FAS: variants seen among roughly 807,000 people sequenced by gnomAD.
FAS encodes tumor necrosis factor receptor superfamily member 6.
FAS carries 5 observed loss-of-function variants against 33.2 expected under a neutral mutation model. The observed-to-expected ratio is 0.15, with a 90% CI of 0.08 to 0.32. FAS has a LOEUF of 0.32. Among genes scored for constraint, FAS ranks in the 10% least tolerant of loss-of-function variants. The pLI, the probability that FAS is intolerant of heterozygous loss-of-function variation, is 1.00. For synonymous variants in FAS, 131 were observed against 130.7 expected (o/e 1.00, Z -0.01); for missense variants, 339 against 386.0 (o/e 0.88, Z 1.02).
intron 2 of FAS, among the ~76,000 whole-genome samples, chr10:88,977,423 C>G (rs2133338084): frequency 6.6e-6 from 1 of 151,894 alleles, no homozygotes; most frequent in Non-Finnish European, 1.5e-5. Context: ...AATAGGGAAT[C>G]CTTTCCCCAT....
At chr10:88,980,285 G>A (rs1163103016) in intron 2 of FAS, among the ~76,000 whole-genome samples, 2 of 152,114 alleles carry the variant, frequency 1.3e-5, no homozygotes, top group Non-Finnish European at 2.9e-5. Context: ...TCTGGGAAGA[G>A]GTGATGGTTG....
intron 1 of FAS, among the ~76,000 whole-genome samples, chr10:88,965,553 G>A (rs1005836147): frequency 6.6e-6 from 1 of 152,114 alleles, no homozygotes; most frequent in Non-Finnish European, 1.5e-5. Flanking sequence ...CTTGCCTTAG[G>A]AGGTCAAACA....
intron 1 of FAS, among the ~76,000 whole-genome samples, chr10:88,971,264 T>A (rs894028265): frequency 6.6e-6 from 1 of 152,212 alleles, no homozygotes; most frequent in Non-Finnish European, 1.5e-5. Context: ...AAGTAACAGA[T>A]GATGTATCTG....
chr10:89,011,775 T>G (rs1804286968), intron 6 of FAS, among the ~76,000 whole-genome samples: 1 of 152,228 alleles, frequency 6.6e-6, no homozygotes, highest in South Asian at 2.1e-4. Context: ...TAGGCCAGCC[T>G]GTGGTAATTA....
In FAS at chr10:89,011,914, A is replaced by T. The variant is rs1848547254; in HGVS notation, c.569-85A>T. The T allele has an allele frequency of 5.0e-6, 6 of 1,211,846 alleles. No homozygotes were observed. In the Admixed American group the frequency reaches 5.6e-5, roughly 11 times the overall value. 75.1% of individuals were successfully genotyped at this position (1,211,846 alleles called of 1,614,324 possible). A position where few individuals can be genotyped will look rare whatever the true frequency, so the allele number is the denominator to read the frequency against. On this transcript the variant is annotated intron_variant, in intron 6 of 8. Transcript: ENST00000652046. The stretch of plus-strand genomic sequence containing the variant: ...ACTGAATTTCTCCTTTTTCCTTCTT[A>T]TATTTCTCTTAGTGTGAAAGTATGT...
upstream of FAS, among the ~76,000 whole-genome samples, chr10:88,988,088 C>T (rs980357641): frequency 6.6e-6 from 1 of 152,184 alleles, no homozygotes; most frequent in Non-Finnish European, 1.5e-5. Flanking sequence ...CCTCTACAAT[C>T]ACGTGAGCCA....
chr10:89,000,477 G>A (rs1281954341), intron 1 of FAS, among the ~76,000 whole-genome samples: 3 of 152,146 alleles, frequency 2.0e-5, no homozygotes, highest in Admixed American at 6.5e-5. Context: ...ATCAAGAAAA[G>A]ATGAGTTTAG....
intron 2 of FAS, among the ~76,000 whole-genome samples, chr10:88,977,559 A>T (rs953719043): frequency 3.3e-5 from 5 of 152,200 alleles, no homozygotes; most frequent in African/African-American, 1.2e-4. Flanking sequence ...CAAGAAAAAA[A>T]CAAACAGCCC....
rs1848801407 is a variant in FAS, at chr10:89,016,206, G to T, written c.*1756G>T. On this transcript the variant is annotated 3_prime_UTR_variant, in exon 9 of 9. Transcript: ENST00000652046. ...TTCTATTTAACCCATGAGTCCCAAA[G>T]TATTAGCATTTCAACATGTAAGCAT... The T allele has an allele frequency of 4.6e-6, 1 of 216,930 alleles. No individual in the cohort carries two copies. The highest frequency in any genetic ancestry group is 2.2e-5 in the African/African-American group (1 of 44,498). The allele number at this position is 216,930 out of a possible 1,614,324, so 13.4% of individuals were successfully genotyped here.
upstream of FAS, among the ~76,000 whole-genome samples, chr10:88,982,224 C>T (rs1688036235): frequency 1.3e-5 from 2 of 152,142 alleles, no homozygotes; most frequent in Admixed American, 1.3e-4. Flanking sequence ...AGACCTACCT[C>T]CCAAGATTTT....
At chr10:88,972,527 T>G (rs1405378195) in intron 1 of FAS, among the ~76,000 whole-genome samples, 4 of 152,214 alleles carry the variant, frequency 2.6e-5, no homozygotes, top group Non-Finnish European at 4.4e-5. Context: ...CTTTCTTCTC[T>G]CCTGCCTTCT....
rs1035022219 is a variant in FAS at position 89,014,630 on chromosome 10, A to T, written c.*180A>T. ...CATGATTCTGCCTCCAAGGATGTTT[A>T]AAATCTAGTTGGGAAAACAAACTTC... On this transcript the variant is annotated 3_prime_UTR_variant, in exon 9 of 9. Coordinates refer to ENST00000652046, the MANE Select transcript of FAS (RefSeq NM_000043.6). 15 of 761,108 alleles carry T rather than the reference A, an allele frequency of 2.0e-5. No individual in the cohort carries two copies. Among genetic ancestry groups the T allele is most frequent in the Middle Eastern group, 3.5e-4 (1 of 2,860 alleles). 47.1% of individuals were successfully genotyped at this position (761,108 alleles called of 1,614,324 possible).
chr10:89,007,920 C>T (rs915209760), intron 3 of FAS, 83 bp downstream of exon 3: 6 of 1,590,594 alleles, frequency 3.8e-6, no homozygotes, highest in South Asian at 1.1e-5. Context: ...GAAATTGGGG[C>T]CTACTGTGGT....
chr10:88,994,993 G>A (rs1057057249), intron 1 of FAS, among the ~76,000 whole-genome samples: 1 of 151,470 alleles, frequency 6.6e-6, no homozygotes, highest in Non-Finnish European at 1.5e-5. Flanking sequence ...AATTCAAAAC[G>A]ATAAAAAGCA....
At chr10:89,003,337 T>C in intron 2 of FAS, 143 bp downstream of exon 2, 1 of 911,468 alleles carries the variant, frequency 1.1e-6, no homozygotes, top group East Asian at 2.6e-5. Flanking sequence ...TATGAAATTA[T>C]TTTCCAAAGA....
chr10:88,986,925 T>C (rs1846910981), upstream of FAS, among the ~76,000 whole-genome samples: 1 of 152,234 alleles, frequency 6.6e-6, no homozygotes, highest in Non-Finnish European at 1.5e-5. Context: ...ATTTATTGTG[T>C]GTACTAGGTG....
In FAS at chr10:89,008,842, C is replaced by T. The variant is rs1417537424; in HGVS notation, c.335-47C>T. ...TCCTGCCCACCATTTTCATAGTCTGCTTATAATTAGCCGCTATAACTAATA... is the reference window on the plus strand; with the variant it reads ...TCCTGCCCACCATTTTCATAGTCTGTTTATAATTAGCCGCTATAACTAATA... On this transcript the variant is annotated intron_variant, in intron 3 of 8. Coordinates refer to ENST00000652046, the MANE Select transcript of FAS (RefSeq NM_000043.6). The T allele has an allele frequency of 1.9e-6, 3 of 1,562,902 alleles. No homozygotes were observed. In the African/African-American group the frequency reaches 4.1e-5, roughly 21 times the overall value.
chr10:89,000,952 A>G (rs770746088), intron 1 of FAS, among the ~76,000 whole-genome samples: 15 of 152,246 alleles, frequency 9.9e-5, no homozygotes, highest in Non-Finnish European at 1.6e-4. Flanking sequence ...AGGCTGAGGC[A>G]GGAGAATTGC....
At chr10:89,012,715 G>A (rs1023449043) in intron 7 of FAS, 1 of 154,908 alleles carries the variant, frequency 6.5e-6, no homozygotes. Flanking sequence ...ACCAGGCATG[G>A]GTTCAGTATC....
Sources: allele counts gnomAD v4.1 joint callset (sites outside exome capture counted in the v4.1 genomes callset), GRCh38; gene constraint gnomAD v4.1.1; transcripts MANE v1.5; gene names NCBI Gene and HGNC (gene_info 2026-07-23, HGNC 2026-07-21).